HMCN2: variants seen among roughly 807,000 people sequenced by gnomAD.
HMCN2 encodes hemicentin-2.
HMCN2 carries 325 observed loss-of-function variants against 377.5 expected under a neutral mutation model. The ratio of observed to expected loss-of-function variants is 0.86; its 90% CI spans 0.79 to 0.94. HMCN2 has a LOEUF of 0.94. Ranked by LOEUF, HMCN2 falls within the 40% of genes least tolerant of loss-of-function variation. The pLI is 0.00. For missense variants in HMCN2, 4,543 were observed against 4,725.3 expected, an observed-to-expected ratio of 0.96 and a Z score of 1.13; for synonymous variants, 2,007 against 2,046.8, an observed-to-expected ratio of 0.98 and a Z score of 0.53.
At position 130,299,167 on chromosome 9, in the gene HMCN2, G is replaced by A. The variant is rs1836333180; in HGVS notation, c.1155G>A (p.Leu385=). ...KPLSNGSTHQ[L]WGGPPFHTPK... ...TCTCCAATGGCTCCACCCATCAGCT[G>A]TGGGGCGGGCCGCCCTTCCACACCC... The change falls in exon 8 of 98, where the codon CTG becomes CTA. Residue 385 remains leucine (L), a synonymous_variant. Transcript: ENST00000683500. 1 of 471,062 alleles carries A rather than the reference G, an allele frequency of 2.1e-6. No individual in the cohort carries two copies. Among genetic ancestry groups the A allele is most frequent in the Non-Finnish European group, 4.4e-6 (1 of 227,050 alleles). The allele number at this position is 471,062 out of a possible 1,614,324, so 29.2% of individuals were successfully genotyped here.
chr9:130,290,749 A>G (rs1835704892), intron 4 of HMCN2, among the ~76,000 whole-genome samples: 1 of 152,136 alleles, frequency 6.6e-6, no homozygotes, highest in Non-Finnish European at 1.5e-5. Context: ...AGACACAACA[A>G]TGAAGTAGCT....
intron 53 of HMCN2, 41 bp downstream of exon 53, chr9:130,377,840 T>C (rs533926453): frequency 9.2e-4 from 908 of 985,618 alleles, no homozygotes; most frequent in South Asian, 2.1e-3. Context: ...CGTCAGCCAG[T>C]GTGAGGACAT....
intron 17 of HMCN2, 39 bp downstream of exon 17, chr9:130,320,490 TG>T (rs1269109777): frequency 2.6e-5 from 4 of 152,048 alleles, no homozygotes; most frequent in Admixed American, 1.3e-4. Flanking sequence ...AGGTGGGAGG[TG>T]GGAGGCAGGT....
chr9:130,287,672 G>A (rs893325179), intron 4 of HMCN2, among the ~76,000 whole-genome samples: 5 of 152,088 alleles, frequency 3.3e-5, no homozygotes, highest in Admixed American at 6.6e-5. Flanking sequence ...TCACTAGGCC[G>A]TGAAGTTTCC....
At position 130,373,852 on chromosome 9, in the gene HMCN2, A is replaced by T. The variant is rs142602891; in HGVS notation, c.7439-650A>T. Among the ~76,000 whole-genome samples, 192 of 146,474 alleles carry T rather than the reference A, an allele frequency of 1.3e-3. 1 individual carries two copies. The highest frequency in any genetic ancestry group is 4.6e-3 in the African/African-American group (184 of 39,852). On this transcript the variant is annotated intron_variant, in intron 48 of 97. Transcript: ENST00000683500. ...GGGTGGATGAATGAATGAGGGTTGG[A>T]TGGATGGATGGATGTGTGGATGGGT...
Position 130,412,028 on chromosome 9 carries a change from G to A in HMCN2, c.12961+1376G>A, listed in dbSNP as rs561816388. On this transcript the variant is annotated intron_variant, in intron 85 of 97. Transcript: ENST00000683500. The stretch of plus-strand genomic sequence containing the variant: ...GCTCTGTTGCTCAGGCTGGAGTGCA[G>A]TGGTGCCATCTCTGCTCACTGCAAC... Among the ~76,000 whole-genome samples, 175 of 152,298 alleles carry A rather than the reference G, an allele frequency of 1.1e-3. 1 individual carries two copies. The highest frequency in any genetic ancestry group is 5.0e-4 in the Non-Finnish European group (34 of 68,034).
rs921801681 is a variant in HMCN2 at position 130,377,809 on chromosome 9, G to A, written c.8212+10G>A. 4.1e-6 allele frequency: 4 copies of A among 985,858 alleles called. No individual in the cohort carries two copies. The highest frequency in any genetic ancestry group is 3.5e-5 in the African/African-American group (2 of 57,248). The allele number at this position is 985,858 out of a possible 1,614,324, so 61.1% of individuals were successfully genotyped here. ...AACGTGCTCATCCAGGGTGCGTGGC[G>A]CCAGTGGGCCAGGGGTGGGGCGTCA... On this transcript the variant is annotated intron_variant, in intron 53 of 97. Coordinates refer to ENST00000683500, the MANE Select transcript of HMCN2 (RefSeq NM_001291815.2).
intron 65 of HMCN2, 64 bp downstream of exon 65, chr9:130,391,638 T>A (rs1019400814): frequency 1.0e-6 from 1 of 985,058 alleles, no homozygotes; most frequent in African/African-American, 1.7e-5. Context: ...TAAGGCGACA[T>A]GTGAGCAAAG....
At chr9:130,387,326 C>T (rs1842076544) in intron 61 of HMCN2, among the ~76,000 whole-genome samples, 1 of 152,128 alleles carries the variant, frequency 6.6e-6, no homozygotes, top group South Asian at 2.1e-4. Flanking sequence ...AACTCTTATT[C>T]AAAAGCCCAG....
chr9:130,274,117 A>G (rs1471218643), intron 1 of HMCN2, among the ~76,000 whole-genome samples: 2 of 150,018 alleles, frequency 1.3e-5, no homozygotes, highest in African/African-American at 2.5e-5. Context: ...CAGTGGTGTG[A>G]TCTTGACTCA....
Position 130,379,302 on chromosome 9 carries a change from T to A in HMCN2, c.8266T>A (p.Ser2756Thr). The change falls in exon 54 of 98, where the codon TCC becomes ACC. Residue 2756 changes from serine to threonine, a missense_variant. Physicochemically the swap from Ser to Thr is moderately conservative, Grantham distance 58. Around this residue, in one of 5 missense-constraint regions of HMCN2, gnomAD observed 736 missense variants for 773.2 expected, o/e 0.95. Coordinates refer to ENST00000683500, the MANE Select transcript of HMCN2 (RefSeq NM_001291815.2). ...GDFSAAFEIL[S>T]REEEARGGVT... Reference sequence around the variant, plus strand: ...TTTCAGTGCAGCCTTCGAGATCCTGTCCCGGGAGGAGGAGGCCCGGGGCGG... The same window carrying A: ...TTTCAGTGCAGCCTTCGAGATCCTGACCCGGGAGGAGGAGGCCCGGGGCGG... 1 of 985,552 alleles carries A rather than the reference T, an allele frequency of 1.0e-6. No homozygotes were observed. The highest frequency in any genetic ancestry group is 1.2e-6 in the Non-Finnish European group (1 of 829,868). 61.1% of individuals were successfully genotyped at this position (985,552 alleles called of 1,614,324 possible). A position where few individuals can be genotyped will look rare whatever the true frequency, so the allele number is the denominator to read the frequency against.
chr9:130,349,441 C>T, intron 28 of HMCN2, 96 bp from the exon 29 acceptor site: 1 of 1,214,586 alleles, frequency 8.2e-7, no homozygotes, highest in Non-Finnish European at 1.1e-6. Flanking sequence ...AGGAGGGGGG[C>T]CCAGGCTGGG....
At position 130,408,841 on chromosome 9, in the gene HMCN2, G is replaced by C. The variant is rs1183907609; in HGVS notation, c.12787G>C (p.Asp4263His). 1 of 1,289,698 alleles carries C rather than the reference G, an allele frequency of 7.8e-7. No individual in the cohort carries two copies. Among genetic ancestry groups the C allele is most frequent in the Non-Finnish European group, 1.0e-6 (1 of 988,872 alleles). 79.9% of individuals were successfully genotyped at this position (1,289,698 alleles called of 1,614,324 possible). Reference protein sequence around the residue: ...DCVVRGDPVPDIHWIKDGLPL... With the variant: ...DCVVRGDPVPHIHWIKDGLPL... ...TGTGGTGCGTGGAGACCCAGTGCCG[G>C]ACATCCACTGGATCAAAGATGGCCT... is the stretch of plus-strand genomic sequence containing the variant. Residue 4263 changes from aspartate to histidine, a missense_variant, in exon 84 of 98, where the codon GAC becomes CAC. Transcript: ENST00000683500.
Position 130,428,462 on chromosome 9 carries a change from C to T in HMCN2, c.14170C>T (p.Arg4724Trp), listed in dbSNP as rs750732009. The T allele has an allele frequency of 1.7e-5, 27 of 1,543,452 alleles. No individual in the cohort carries two copies. The highest frequency in any genetic ancestry group is 8.3e-5 in the South Asian group (7 of 84,054). Residue 4724 changes from arginine (R) to tryptophan (W), a missense_variant, in exon 93 of 98, where the codon CGG (arginine) becomes TGG (tryptophan). By Grantham distance (101) the Arg-to-Trp change is moderately radical. This residue lies in a region of HMCN2 where 1,155 missense variants were observed against 1,157.7 expected (regional missense o/e 1.00). Coordinates refer to ENST00000683500, the MANE Select transcript of HMCN2 (RefSeq NM_001291815.2). This position sits in a 1 kb window ranked among gnomAD's most constrained non-coding sequence, Gnocchi z 5.0. ...CCTCCCCGACTGTGGGCCTGGCTTC[C>T]GGGTGGCTGATGGGGCCGGCTGTGA... ...RCLPDCGPGFRVADGAGCEDV... is the reference protein window; with the variant it reads ...RCLPDCGPGFWVADGAGCEDV...
At position 130,423,315 on chromosome 9, in the gene HMCN2, G is replaced by C. The variant is rs559037748; in HGVS notation, c.13381+589G>C. On this transcript the variant is annotated intron_variant, in intron 87 of 97. Transcript: ENST00000683500. This position sits in a 1 kb window ranked among gnomAD's most constrained non-coding sequence, Gnocchi z 5.5. ...CTTCCCAAGGAATCCCTGGCCCCTC[G>C]TGGGGGTCCAGGAGGGGCAGTATTC... Among the ~76,000 whole-genome samples, 1 of 152,208 alleles carries C rather than the reference G, an allele frequency of 6.6e-6. No homozygotes were observed. Among genetic ancestry groups the C allele is most frequent in the East Asian group, 1.9e-4 (1 of 5,172 alleles).
At chr9:130,283,163 C>T (rs1010698234) in intron 1 of HMCN2, among the ~76,000 whole-genome samples, 24 of 152,154 alleles carry the variant, frequency 1.6e-4, no homozygotes, top group Admixed American at 7.2e-4. Flanking sequence ...CTTACACAAT[C>T]CCCACTATGC....
intron 4 of HMCN2, among the ~76,000 whole-genome samples, chr9:130,290,005 G>C (rs1835663695): frequency 6.6e-6 from 1 of 152,208 alleles, no homozygotes; most frequent in Non-Finnish European, 1.5e-5. Flanking sequence ...GCTGCGAAGG[G>C]TCGAGCAGCA....
intron 46 of HMCN2, among the ~76,000 whole-genome samples, chr9:130,371,443 T>C (rs907550116): frequency 2.6e-5 from 4 of 152,102 alleles, no homozygotes; most frequent in African/African-American, 9.7e-5. Context: ...TTGGCACTTA[T>C]ATATAACATC....
rs117423570 is a variant in HMCN2, at chr9:130,304,245, C to A, written c.1544-485C>A. ...TATGTTCAGCAGTCTCTGATCTTGCCACTTCTTGTGGCTTTTTGCTATCCA... is the reference window on the plus strand; with the variant it reads ...TATGTTCAGCAGTCTCTGATCTTGCAACTTCTTGTGGCTTTTTGCTATCCA... On this transcript the variant is annotated intron_variant, in intron 10 of 97. Coordinates refer to ENST00000683500, the MANE Select transcript of HMCN2 (RefSeq NM_001291815.2). The surrounding 1 kb of genome is among the most constrained non-coding windows in gnomAD (Gnocchi z 4.3). Among the ~76,000 whole-genome samples the A allele has an allele frequency of 1.3e-5, 2 of 152,256 alleles. No individual in the cohort carries two copies. Among genetic ancestry groups the A allele is most frequent in the Non-Finnish European group, 2.9e-5 (2 of 68,030 alleles).
Sources: allele counts gnomAD v4.1 joint callset (sites outside exome capture counted in the v4.1 genomes callset), GRCh38; gene constraint gnomAD v4.1.1; regional missense constraint gnomAD v4.1.1; non-coding constraint Gnocchi (gnomAD v3.1); transcripts MANE v1.5; gene names NCBI Gene and HGNC (gene_info 2026-07-23, HGNC 2026-07-21).